Variants in PNKD observed in about 807,000 individuals in gnomAD.
PNKD encodes the protein probable thioesterase PNKD.
Under a neutral mutation model 45.3 loss-of-function variants are expected in PNKD, and 36 were observed. The observed-to-expected ratio is 0.80, with a 90% CI of 0.61 to 1.05. PNKD has a LOEUF of 1.05. PNKD is among the 50% of genes least tolerant of loss of function. PNKD has a pLI of 0.00. For missense variants in PNKD, 511 were observed against 506.6 expected (o/e 1.01, Z -0.08); for synonymous variants, 197 against 210.1 (o/e 0.94, Z 0.54).
intron 2 of PNKD, among the ~76,000 whole-genome samples, chr2:218,304,838 G>T (rs1343359119): frequency 6.6e-6 from 1 of 152,124 alleles, no homozygotes; most frequent in African/African-American, 2.4e-5. Flanking sequence ...ACTTTGGGAG[G>T]CTGAGGTGGG....
chr2:218,331,676 C>T (rs886762138), intron 2 of PNKD, among the ~76,000 whole-genome samples: 1 of 152,092 alleles, frequency 6.6e-6, no homozygotes, highest in Non-Finnish European at 1.5e-5. Context: ...CCATATTGGT[C>T]AGACTGGTCT....
At chr2:218,322,161 A>T (rs1196743219) in intron 2 of PNKD, among the ~76,000 whole-genome samples, 1 of 150,674 alleles carries the variant, frequency 6.6e-6, no homozygotes, top group African/African-American at 2.5e-5. Flanking sequence ...ACCTCACGTG[A>T]TCCGCCCCCC....
At chr2:218,341,140 G>A (rs552902378) in intron 5 of PNKD, among the ~76,000 whole-genome samples, 6 of 152,332 alleles carry the variant, frequency 3.9e-5, no homozygotes, top group South Asian at 4.1e-4. Flanking sequence ...ATATAACAGC[G>A]GAGGCAAGAG....
chr2:218,271,621 T>C, intron 2 of PNKD, 72 bp downstream of exon 2: 2 of 1,389,146 alleles, frequency 1.4e-6, no homozygotes, highest in South Asian at 2.5e-5. Context: ...TAGAAACTTC[T>C]CCAAGTTTCA....
chr2:218,288,845 C>T (rs1014987785), intron 2 of PNKD, among the ~76,000 whole-genome samples: 10 of 152,024 alleles, frequency 6.6e-5, no homozygotes, highest in African/African-American at 2.2e-4. Context: ...TCAAAATGGT[C>T]CCATTTTGGA....
chr2:218,306,080 G>C (rs1359312640), intron 2 of PNKD, among the ~76,000 whole-genome samples: 4 of 152,194 alleles, frequency 2.6e-5, no homozygotes, highest in Non-Finnish European at 5.9e-5. Context: ...GATTTCTCCA[G>C]GTGGCATGGG....
chr2:218,337,966 G>GTGAA (rs1251262174), intron 2 of PNKD, among the ~76,000 whole-genome samples: 3 of 151,814 alleles, frequency 2.0e-5, no homozygotes, highest in Non-Finnish European at 4.4e-5. Context: ...GGCCCACATG[G>GTGAA]TGAAACCCCA....
intron 2 of PNKD, chr2:218,281,993 G>C (rs1388544701): frequency 6.2e-7 from 1 of 1,607,364 alleles, no homozygotes; most frequent in Non-Finnish European, 8.5e-7. Flanking sequence ...GTAGCCAGCA[G>C]GGTGACCGTA....
intron 2 of PNKD, among the ~76,000 whole-genome samples, chr2:218,273,286 T>C (rs553348049): frequency 6.7e-6 from 1 of 148,438 alleles, no homozygotes; most frequent in African/African-American, 2.6e-5. Context: ...TTTTTTGTTT[T>C]TTGAGACGGA....
At chr2:218,271,240 C>G in intron 1 of PNKD, 141 bp from the exon 2 acceptor site, 1 of 806,316 alleles carries the variant, frequency 1.2e-6, no homozygotes, top group South Asian at 1.4e-5. Flanking sequence ...TTTGGATTCT[C>G]CTTGGCACTT....
chr2:218,318,950 C>CTTTTTTTTTTTT (rs769001811), intron 2 of PNKD, among the ~76,000 whole-genome samples: 153 of 99,854 alleles, frequency 1.5e-3, no homozygotes, highest in African/African-American at 4.5e-3. Context: ...TTTTTTTTTT[C>CTTTTTTTTTTTT]TTTTTTTTTT....
At chr2:218,277,180 A>C in intron 2 of PNKD, 1 of 1,293,436 alleles carries the variant, frequency 7.7e-7, no homozygotes, top group Non-Finnish European at 1.1e-6. Flanking sequence ...AGGGAGTCCC[A>C]GTGCTGCCTC....
At chr2:218,337,992 C>G (rs939892944) in intron 2 of PNKD, among the ~76,000 whole-genome samples, 4 of 151,910 alleles carry the variant, frequency 2.6e-5, no homozygotes, top group Non-Finnish European at 5.9e-5. Context: ...ATTAAAAATA[C>G]AAAAATTAGC....
At chr2:218,276,214 C>T in intron 2 of PNKD, 1 of 879,660 alleles carries the variant, frequency 1.1e-6, no homozygotes, top group Non-Finnish European at 1.8e-6. Flanking sequence ...AGGCTACTGC[C>T]TTTCCAGATC....
chr2:218,331,457 A>T (rs1191342504), intron 2 of PNKD, among the ~76,000 whole-genome samples: 2 of 150,098 alleles, frequency 1.3e-5, no homozygotes, highest in East Asian at 1.9e-4. Context: ...CATGCTTTTT[A>T]TTTTTATTTT....
intron 2 of PNKD, chr2:218,277,465 CAG>C (rs778121605): frequency 6.2e-7 from 1 of 1,613,894 alleles, no homozygotes; most frequent in South Asian, 1.1e-5. Flanking sequence ...TGGGGAGAAG[CAG>C]GAGTTACAGA....
intron 2 of PNKD, among the ~76,000 whole-genome samples, chr2:218,330,386 G>T (rs973934696): frequency 5.9e-5 from 9 of 152,212 alleles, no homozygotes; most frequent in African/African-American, 1.9e-4. Flanking sequence ...GTCTGGGGGG[G>T]CAGTGGCTCA....
rs746439948 is a variant in PNKD at position 218,325,198 on chromosome 2, C to CTTTTTT, written c.237-14566_237-14561dup. Reference sequence around the variant, plus strand: ...ACAGGCATGAGCCACCGCACCCGGCCTTTTTTTTTTTTTTTTTTTTTTTTG... The same window carrying CTTTTTT: ...ACAGGCATGAGCCACCGCACCCGGCCTTTTTTTTTTTTTTTTTTTTTTTTTTTTTTG... On this transcript the variant is annotated intron_variant, in intron 2 of 9. Transcript: ENST00000273077. Among the ~76,000 whole-genome samples the CTTTTTT allele has an allele frequency of 9.3e-4, 37 of 39,762 alleles. 1 individual carries two copies. Among genetic ancestry groups the CTTTTTT allele is most frequent in the Admixed American group, 1.4e-3 (3 of 2,136 alleles). 26.1% of individuals were successfully genotyped at this position (39,762 alleles called of 152,430 possible).
intron 2 of PNKD, chr2:218,278,121 G>A: frequency 1.2e-6 from 1 of 849,026 alleles, no homozygotes; most frequent in Non-Finnish European, 1.9e-6. Flanking sequence ...TTTGGCACCT[G>A]TTCAGGTGTG....
Sources: allele counts gnomAD v4.1 joint callset (sites outside exome capture counted in the v4.1 genomes callset), GRCh38; gene constraint gnomAD v4.1.1; transcripts MANE v1.5; gene names NCBI Gene and HGNC (gene_info 2026-07-23, HGNC 2026-07-21).